The following KIAA1328 variants were observed in gnomAD, a reference collection of about 807,000 sequenced individuals.
KIAA1328 encodes the protein protein hinderin.
KIAA1328 carries 52 observed loss-of-function variants against 68.1 expected under a neutral mutation model. The observed-to-expected ratio is 0.76, with a 90% CI of 0.61 to 0.96. KIAA1328 has a LOEUF of 0.96. Among genes scored for constraint, KIAA1328 ranks in the 40% least tolerant of loss-of-function variants. KIAA1328 has a pLI of 0.00. For missense variants in KIAA1328, 641 were observed against 677.6 expected (o/e 0.95, Z 0.60); for synonymous variants, 232 against 239.4 (o/e 0.97, Z 0.28).
intron 6 of KIAA1328, among the ~76,000 whole-genome samples, chr18:37,045,143 T>C (rs1311283759): frequency 2.0e-5 from 3 of 152,208 alleles, no homozygotes; most frequent in African/African-American, 7.2e-5. Context: ...GAATTTGAAA[T>C]AGAGGTCTTT....
chr18:37,052,978 A>T (rs1026367489), intron 6 of KIAA1328, among the ~76,000 whole-genome samples: 3 of 152,228 alleles, frequency 2.0e-5, no homozygotes, highest in Non-Finnish European at 4.4e-5. Flanking sequence ...TTTTCATAGA[A>T]TTAGAAAAAG....
intron 7 of KIAA1328, among the ~76,000 whole-genome samples, chr18:37,134,276 G>T (rs527519012): frequency 2.0e-5 from 3 of 152,272 alleles, no homozygotes; most frequent in Admixed American, 6.5e-5. Context: ...CTCCTAAAGT[G>T]CTGGGATTAC....
At chr18:37,026,597 G>A (rs538638711) in intron 6 of KIAA1328, among the ~76,000 whole-genome samples, 1 of 152,154 alleles carries the variant, frequency 6.6e-6, no homozygotes, top group East Asian at 1.9e-4. Flanking sequence ...GTAATCCATT[G>A]TATAAATAGA....
intron 7 of KIAA1328, among the ~76,000 whole-genome samples, chr18:37,104,065 G>T (rs225577): frequency 0.012 from 1,859 of 152,180 alleles, 29 homozygotes; most frequent in African/African-American, 0.04. Context: ...ATACGCTGTT[G>T]GTGGGAATGG....
intron 6 of KIAA1328, among the ~76,000 whole-genome samples, chr18:36,980,472 C>A (rs1028157395): frequency 6.6e-6 from 1 of 152,198 alleles, no homozygotes; most frequent in African/African-American, 2.4e-5. Flanking sequence ...GCCCAGTTTA[C>A]TGGTTGAGCA....
intron 6 of KIAA1328, among the ~76,000 whole-genome samples, chr18:37,002,228 C>CTTTTTTTTTTTTTTTTTTTTTT (rs145948250): frequency 2.1e-5 from 2 of 95,160 alleles, no homozygotes; most frequent in South Asian, 4.0e-4. Context: ...ATTTTTTTTT[C>CTTTTTTTTTTTTTTTTTTTTTT]TTTTTTTTTT....
chr18:36,853,481 T>C (rs1403090757), intron 4 of KIAA1328, among the ~76,000 whole-genome samples: 8 of 152,098 alleles, frequency 5.3e-5, no homozygotes, highest in Non-Finnish European at 1.0e-4. Context: ...GTTATTTTCT[T>C]AGTGGTTACC....
At chr18:37,114,116 C>T (rs323339) in intron 7 of KIAA1328, among the ~76,000 whole-genome samples, 2 of 152,088 alleles carry the variant, frequency 1.3e-5, no homozygotes, top group Non-Finnish European at 2.9e-5. Flanking sequence ...AGAAAGTTAA[C>T]GAGGATATCC....
chr18:36,959,418 A>G lies in KIAA1328; in HGVS notation c.559A>G (p.Arg187Gly). 6.2e-7 allele frequency: 1 copy of G among 1,609,478 alleles called. No individual in the cohort carries two copies. Among genetic ancestry groups the G allele is most frequent in the Non-Finnish European group, 8.5e-7 (1 of 1,178,436 alleles). Residue 187 changes from arginine to glycine, a missense_variant, in exon 6 of 10, where the codon AGA becomes GGA. Arg to Gly is a moderately radical substitution (Grantham distance 125). Coordinates refer to ENST00000280020, the MANE Select transcript of KIAA1328 (RefSeq NM_020776.3). ...TMSLSELGAA[R>G]MQEQQVSSRK... is the part of the protein sequence containing the mutation. ...GTCTCTCTCAGAACTTGGTGCTGCTAGAATGCAGGAACAGCAGGTAAGCAT... is the reference window on the plus strand; with the variant it reads ...GTCTCTCTCAGAACTTGGTGCTGCTGGAATGCAGGAACAGCAGGTAAGCAT...
intron 9 of KIAA1328, among the ~76,000 whole-genome samples, chr18:37,207,465 A>G (rs1356076597): frequency 1.3e-5 from 2 of 152,218 alleles, no homozygotes; most frequent in African/African-American, 4.8e-5. Context: ...GAACTTTTCA[A>G]AAGTGACCAA....
intron 4 of KIAA1328, among the ~76,000 whole-genome samples, chr18:36,862,210 C>T (rs955422257): frequency 8.5e-5 from 13 of 152,158 alleles, no homozygotes; most frequent in South Asian, 2.1e-4. Flanking sequence ...GTACAGATTT[C>T]GCCAATTTTA....
At chr18:36,954,378 A>T (rs993831243) in intron 5 of KIAA1328, 12 of 152,224 alleles carry the variant, frequency 7.9e-5, no homozygotes, top group African/African-American at 2.9e-4. Context: ...ATAAGCGATG[A>T]TGCCTATTTC....
At chr18:37,043,627 C>G (rs2055347901) in intron 6 of KIAA1328, among the ~76,000 whole-genome samples, 1 of 152,184 alleles carries the variant, frequency 6.6e-6, no homozygotes, top group African/African-American at 2.4e-5. Context: ...GGCTTCAACC[C>G]TTTGTCACTG....
chr18:36,865,150 T>C (rs555910022), intron 4 of KIAA1328, among the ~76,000 whole-genome samples: 1 of 152,210 alleles, frequency 6.6e-6, no homozygotes, highest in South Asian at 2.1e-4. Context: ...GATCATTCTT[T>C]TTCAATGTAA....
intron 6 of KIAA1328, among the ~76,000 whole-genome samples, chr18:37,041,660 GTGTGT>G (rs1401695676): frequency 4.0e-5 from 6 of 151,514 alleles, no homozygotes; most frequent in South Asian, 2.1e-4. Context: ...GTGTGTGTGT[GTGTGT>G]GTGTGTGTGT....
intron 9 of KIAA1328, among the ~76,000 whole-genome samples, chr18:37,191,179 T>G (rs2059898042): frequency 6.6e-6 from 1 of 152,208 alleles, no homozygotes. Flanking sequence ...TTAGCATCAG[T>G]AAAGCCTATG....
intron 5 of KIAA1328, among the ~76,000 whole-genome samples, chr18:36,934,698 T>A (rs2050437885): frequency 6.6e-6 from 1 of 152,232 alleles, no homozygotes; most frequent in South Asian, 2.1e-4. Flanking sequence ...CTCTAAATTT[T>A]TTTTTAGTCT....
chr18:37,033,869 T>A (rs1299840261), intron 6 of KIAA1328, among the ~76,000 whole-genome samples: 2 of 152,232 alleles, frequency 1.3e-5, no homozygotes, highest in Non-Finnish European at 2.9e-5. Context: ...ATTTTAGGGC[T>A]TAGCTCATTT....
intron 7 of KIAA1328, among the ~76,000 whole-genome samples, chr18:37,138,400 ACT>A (rs1168803472): frequency 1.3e-5 from 2 of 151,834 alleles, no homozygotes; most frequent in African/African-American, 2.4e-5. Flanking sequence ...TCGGGGTGAG[ACT>A]CTTCTCTTTC....
Sources: allele counts gnomAD v4.1 joint callset (sites outside exome capture counted in the v4.1 genomes callset), GRCh38; gene constraint gnomAD v4.1.1; transcripts MANE v1.5; gene names NCBI Gene and HGNC (gene_info 2026-07-23, HGNC 2026-07-21).